The following CA12 variants were observed in gnomAD, a reference collection of about 807,000 sequenced individuals.
CA12 encodes carbonate dehydratase XII.
A neutral mutation model predicts 46.8 loss-of-function variants in CA12; 36 were observed. The observed-to-expected ratio is 0.77, with a 90% confidence interval of 0.59 to 1.02. The LOEUF (loss-of-function observed/expected upper bound fraction) is 1.02. Among genes scored for constraint, CA12 ranks in the 50% least tolerant of loss-of-function variants. The pLI is 0.00. For missense variants in CA12, 436 were observed against 451.4 expected (o/e 0.97, Z 0.31); for synonymous variants, 202 against 187.0 (o/e 1.08, Z -0.65).
In CA12 at chr15:63,348,670, G is replaced by T. The variant is rs1261063989; in HGVS notation, c.107-1961C>A. Among the ~76,000 whole-genome samples, 1 of 152,230 alleles carries T rather than the reference G, an allele frequency of 6.6e-6. No homozygotes were observed. Among genetic ancestry groups the T allele is most frequent in the Non-Finnish European group, 1.5e-5 (1 of 68,036 alleles). ...CTTTCTCTTTGCACACATGACTAAA[G>T]GGAACTGGATTAGAAGGGTTTTCTT... On this transcript the variant is annotated intron_variant, in intron 2 of 10. Transcript: ENST00000178638. This position sits in a 1 kb window ranked among gnomAD's most constrained non-coding sequence, Gnocchi z 4.6.
chr15:63,380,472 G>A (rs1013855375), intron 1 of CA12, among the ~76,000 whole-genome samples: 5 of 152,198 alleles, frequency 3.3e-5, no homozygotes, highest in Admixed American at 6.5e-5. Flanking sequence ...GATTTCCAGG[G>A]AAACTTTGGT....
At position 63,360,490 on chromosome 15, in the gene CA12, A is replaced by G. The variant is rs191137564; in HGVS notation, c.107-13781T>C. On this transcript the variant is annotated intron_variant, in intron 2 of 10. Coordinates refer to ENST00000178638, the MANE Select transcript of CA12 (RefSeq NM_001218.5). ...CAAAACCTGTCTAGTGTCTCTGTTC[A>G]CAGATATGCTGAAACATGAAAGACC... 1.0e-3 allele frequency among the ~76,000 whole-genome samples: 153 copies of G among 152,308 alleles called. No homozygotes were observed. The South Asian group carries it at 0.029, about 29-fold the overall frequency.
chr15:63,344,231 C>T (rs571576467), intron 4 of CA12, among the ~76,000 whole-genome samples: 2 of 152,292 alleles, frequency 1.3e-5, no homozygotes, highest in South Asian at 2.1e-4. Flanking sequence ...CAGAAGAATG[C>T]GACCTCTTGC....
intron 2 of CA12, among the ~76,000 whole-genome samples, chr15:63,364,432 T>C (rs2039413390): frequency 6.8e-6 from 1 of 146,114 alleles, no homozygotes; most frequent in African/African-American, 2.5e-5. Context: ...CAGGGAGCTA[T>C]AAATGCACAT....
In CA12 at chr15:63,329,685, C is replaced by G. The variant is rs1440418791; in HGVS notation, c.875-1555G>C. On this transcript the variant is annotated intron_variant, in intron 8 of 10. Transcript: ENST00000178638. The surrounding 1 kb of genome is among the most constrained non-coding windows in gnomAD (Gnocchi z 4.8). ...AGCCTGACACAGAAGATCCTGTGCC[C>G]ATAGAACCCACAGTGGTGGCTGAGG... Among the ~76,000 whole-genome samples, 1 of 152,120 alleles carries G rather than the reference C, an allele frequency of 6.6e-6. No individual in the cohort carries two copies. Among genetic ancestry groups the G allele is most frequent in the Non-Finnish European group, 1.5e-5 (1 of 68,028 alleles).
intron 8 of CA12, among the ~76,000 whole-genome samples, chr15:63,336,354 C>T (rs963767084): frequency 6.6e-6 from 1 of 152,120 alleles, no homozygotes; most frequent in Non-Finnish European, 1.5e-5. Context: ...TGCCATAGTC[C>T]ATCGTTACAA....
rs1342204895 is a variant in CA12 at position 63,335,459 on chromosome 15, A to G, written c.874+3360T>C. Among the ~76,000 whole-genome samples the G allele has an allele frequency of 4.0e-5, 6 of 150,820 alleles. No individual in the cohort carries two copies. In the East Asian group the frequency reaches 1.2e-3, roughly 29 times the overall value. On this transcript the variant is annotated intron_variant, in intron 8 of 10. Transcript: ENST00000178638. The stretch of plus-strand genomic sequence containing the variant: ...TTCTCTCATAGGGAATTTTTTTTTA[A>G]TTTTTAAATTTTAATTATTTAAGAG...
chr15:63,355,749 C>G lies in CA12; in HGVS notation c.107-9040G>C, dbSNP rs988490221. On this transcript the variant is annotated intron_variant, in intron 2 of 10. Transcript: ENST00000178638. This position sits in a 1 kb window ranked among gnomAD's most constrained non-coding sequence, Gnocchi z 4.1. ...ATGAAAACTAGCCAGGCCTGAGCCC[C>G]CCATCAGTGCTCACCACATGTTATC... 6.6e-5 allele frequency among the ~76,000 whole-genome samples: 10 copies of G among 152,204 alleles called. No homozygotes were observed. The highest frequency in any genetic ancestry group is 1.5e-4 in the Non-Finnish European group (10 of 68,046).
At chr15:63,350,019 A>G (rs1302155302) in intron 2 of CA12, among the ~76,000 whole-genome samples, 2 of 152,224 alleles carry the variant, frequency 1.3e-5, no homozygotes, top group African/African-American at 4.8e-5. Context: ...ACCTGTGTGC[A>G]AATGGTTTCT....
intron 2 of CA12, among the ~76,000 whole-genome samples, chr15:63,359,476 C>T (rs1221561814): frequency 1.3e-5 from 2 of 152,136 alleles, no homozygotes; most frequent in African/African-American, 4.8e-5. Context: ...ACACCCTCTA[C>T]TGTGTATATG....
chr15:63,381,584 G>A, intron 1 of CA12, 52 bp downstream of exon 1: 2 of 1,459,386 alleles, frequency 1.4e-6, no homozygotes, highest in South Asian at 2.4e-5. Context: ...CTTCAGCCCA[G>A]GGGCGGCTGA....
chr15:63,376,980 T>C (rs2039586042), intron 1 of CA12, among the ~76,000 whole-genome samples: 1 of 152,128 alleles, frequency 6.6e-6, no homozygotes, highest in African/African-American at 2.4e-5. Flanking sequence ...GCTACCCACA[T>C]CTGAGTTAGA....
At chr15:63,380,714 A>G (rs2039633517) in intron 1 of CA12, among the ~76,000 whole-genome samples, 1 of 152,192 alleles carries the variant, frequency 6.6e-6, no homozygotes, top group African/African-American at 2.4e-5. Flanking sequence ...GTGACCTCCA[A>G]GAGAGGAGGC....
rs759114249 is a variant in CA12 at position 63,340,254 on chromosome 15, C to T, written c.747+34G>A. The T allele has an allele frequency of 7.4e-6, 12 of 1,613,122 alleles. No homozygotes were observed. The highest frequency in any genetic ancestry group is 1.7e-5 in the Admixed American group (1 of 59,988). ...GAGGATGATGGGGACTGAGGTGCCG[C>T]GTGGACTCTGGCTGAGTCTGGCACG... On this transcript the variant is annotated intron_variant, in intron 7 of 10. Transcript: ENST00000178638. This position sits in a 1 kb window ranked among gnomAD's most constrained non-coding sequence, Gnocchi z 4.4.
At position 63,372,628 on chromosome 15, in the gene CA12, G is replaced by A. The variant is rs769813663; in HGVS notation, c.106+3030C>T. Among the ~76,000 whole-genome samples the A allele has an allele frequency of 1.3e-5, 2 of 152,158 alleles. No homozygotes were observed. Among genetic ancestry groups the A allele is most frequent in the African/African-American group, 4.8e-5 (2 of 41,430 alleles). On this transcript the variant is annotated intron_variant, in intron 2 of 10. Transcript: ENST00000178638. This position sits in a 1 kb window ranked among gnomAD's most constrained non-coding sequence, Gnocchi z 4.5. Reference sequence around the variant, plus strand: ...TGGTTGGACTTGCCCCATTCAGTGCGGCCCTTATTGCTTGGAAGCCGTTTC... The same window carrying A: ...TGGTTGGACTTGCCCCATTCAGTGCAGCCCTTATTGCTTGGAAGCCGTTTC...
intron 2 of CA12, among the ~76,000 whole-genome samples, chr15:63,347,977 A>G (rs1000050632): frequency 1.3e-5 from 2 of 152,176 alleles, no homozygotes; most frequent in Non-Finnish European, 2.9e-5. Flanking sequence ...GCCCCACAGA[A>G]TCCCAACCCC....
At position 63,330,881 on chromosome 15, in the gene CA12, A is replaced by G. The variant is rs971966350; in HGVS notation, c.875-2751T>C. On this transcript the variant is annotated intron_variant, in intron 8 of 10. Transcript: ENST00000178638. This position sits in a 1 kb window ranked among gnomAD's most constrained non-coding sequence, Gnocchi z 4.0. ...CCTAAATGGACTCTCCTTGGAAACAACGAAATGAGACCAAACAGGCATGAA... is the reference window on the plus strand; with the variant it reads ...CCTAAATGGACTCTCCTTGGAAACAGCGAAATGAGACCAAACAGGCATGAA... Among the ~76,000 whole-genome samples the G allele has an allele frequency of 6.6e-6, 1 of 152,212 alleles. No homozygotes were observed. The highest frequency in any genetic ancestry group is 1.5e-5 in the Non-Finnish European group (1 of 68,040).
chr15:63,326,378 A>G, intron 10 of CA12, 21 bp from the exon 11 acceptor site: 1 of 1,598,318 alleles, frequency 6.3e-7, no homozygotes, highest in Non-Finnish European at 8.6e-7. Context: ...AAGAACACAT[A>G]ACTCTTGTTA....
intron 2 of CA12, among the ~76,000 whole-genome samples, chr15:63,351,725 T>C (rs2039234858): frequency 6.6e-6 from 1 of 152,236 alleles, no homozygotes; most frequent in Non-Finnish European, 1.5e-5. Flanking sequence ...CCCCAGTGCT[T>C]TCTAGTCCCT....
Sources: allele counts gnomAD v4.1 joint callset (sites outside exome capture counted in the v4.1 genomes callset), GRCh38; gene constraint gnomAD v4.1.1; non-coding constraint Gnocchi (gnomAD v3.1); transcripts MANE v1.5; gene names NCBI Gene and HGNC (gene_info 2026-07-23, HGNC 2026-07-21).